PTPRD: variants seen among roughly 807,000 people sequenced by gnomAD.
The protein encoded by PTPRD is receptor-type tyrosine-protein phosphatase delta.
In PTPRD, 34 loss-of-function variants were observed where a neutral mutation model predicts 214.5. The ratio of observed to expected loss-of-function variants is 0.16; its 90% CI spans 0.12 to 0.21. PTPRD has a LOEUF of 0.21. Ranked by LOEUF, PTPRD falls within the 10% of genes least tolerant of loss-of-function variation. PTPRD has a pLI of 1.00. For missense variants in PTPRD, 2,545 were observed against 2,398.7 expected (o/e 1.06, Z -1.27); for synonymous variants, 1,128 against 845.7 (o/e 1.33, Z -5.79).
intron 3 of PTPRD, among the ~76,000 whole-genome samples, chr9:10,242,044 C>G (rs1012193287): frequency 1.3e-5 from 2 of 151,780 alleles, no homozygotes; most frequent in Non-Finnish European, 2.9e-5. Context: ...GAAACTCAGA[C>G]AAGAGGAAAA....
At chr9:9,222,100 A>G (rs960267654) in intron 9 of PTPRD, among the ~76,000 whole-genome samples, 1 of 152,114 alleles carries the variant, frequency 6.6e-6, no homozygotes, top group African/African-American at 2.4e-5. Context: ...CTGTAACAAT[A>G]TTAATATTCT....
intron 8 of PTPRD, among the ~76,000 whole-genome samples, chr9:9,427,411 T>C (rs910681275): frequency 6.6e-6 from 1 of 152,166 alleles, no homozygotes; most frequent in Non-Finnish European, 1.5e-5. Context: ...TATGGGACTA[T>C]GTGAAAAGAC....
intron 7 of PTPRD, among the ~76,000 whole-genome samples, chr9:9,638,644 A>G (rs751400662): frequency 2.4e-4 from 37 of 152,288 alleles, no homozygotes; most frequent in Admixed American, 6.5e-4. Flanking sequence ...TCCAGCCTCT[A>G]TCCATTACCT....
At chr9:10,248,533 A>C (rs10123839) in intron 3 of PTPRD, among the ~76,000 whole-genome samples, 80,745 of 127,540 alleles carry the variant, frequency 0.63, 26,679 homozygotes, top group East Asian at 0.76. Flanking sequence ...AAAATAAAAA[A>C]AATAAAGCGA....
chr9:10,096,911 T>A (rs190090074), intron 3 of PTPRD, among the ~76,000 whole-genome samples: 1 of 152,216 alleles, frequency 6.6e-6, no homozygotes, highest in East Asian at 1.9e-4. Context: ...TGAATTAATT[T>A]TTTTAAGATG....
At chr9:9,052,716 A>G (rs2099688629) in intron 10 of PTPRD, among the ~76,000 whole-genome samples, 1 of 152,246 alleles carries the variant, frequency 6.6e-6, no homozygotes, top group South Asian at 2.1e-4. Flanking sequence ...TATACTGTCC[A>G]CATAAGTACA....
chr9:9,962,999 A>G (rs1291116761), intron 4 of PTPRD, among the ~76,000 whole-genome samples: 1 of 152,014 alleles, frequency 6.6e-6, no homozygotes, highest in African/African-American at 2.4e-5. Context: ...AGTACTTTAT[A>G]TAGTTACACT....
intron 2 of PTPRD, among the ~76,000 whole-genome samples, chr9:10,544,512 T>C (rs866801187): frequency 6.6e-6 from 1 of 152,142 alleles, no homozygotes; most frequent in Non-Finnish European, 1.5e-5. Flanking sequence ...CTCTCAATAA[T>C]GGGATAAAGC....
intron 5 of PTPRD, among the ~76,000 whole-genome samples, chr9:9,833,387 T>C (rs1266493380): frequency 1.3e-5 from 2 of 151,710 alleles, no homozygotes; most frequent in Non-Finnish European, 2.9e-5. Flanking sequence ...TACGAATAGG[T>C]GTGGGTGACA....
intron 2 of PTPRD, among the ~76,000 whole-genome samples, chr9:10,463,761 T>C (rs887204097): frequency 1.3e-5 from 2 of 151,772 alleles, no homozygotes; most frequent in African/African-American, 4.8e-5. Flanking sequence ...AAAAAAGAGG[T>C]GTGATCCAAG....
Position 10,185,895 on chromosome 9 carries a change from T to C in PTPRD, c.-544-152105A>G, listed in dbSNP as rs2099328290. 7.2e-5 allele frequency among the ~76,000 whole-genome samples: 11 copies of C among 152,192 alleles called. No individual in the cohort carries two copies. The South Asian group carries it at 2.3e-3, about 32-fold the overall frequency. The stretch of plus-strand genomic sequence containing the variant: ...GTCTATTTCTTGTGGAGAGGGCAAG[T>C]GTTTAATAAAAAGCCTTCAGCATAA... On this transcript the variant is annotated intron_variant, in intron 3 of 45. Transcript: ENST00000381196.
At chr9:9,434,680 C>A (rs1489651042) in intron 8 of PTPRD, among the ~76,000 whole-genome samples, 2 of 151,674 alleles carry the variant, frequency 1.3e-5, no homozygotes, top group South Asian at 4.2e-4. Context: ...ATAGACAGAC[C>A]AATAGAACAC....
intron 10 of PTPRD, among the ~76,000 whole-genome samples, chr9:9,177,132 C>T (rs2099925381): frequency 6.6e-6 from 1 of 152,098 alleles, no homozygotes; most frequent in Admixed American, 6.6e-5. Context: ...AACTTACAAT[C>T]ATGGTGGAAG....
At chr9:9,564,067 G>A (rs906045619) in intron 8 of PTPRD, among the ~76,000 whole-genome samples, 66 of 152,078 alleles carry the variant, frequency 4.3e-4, no homozygotes, top group African/African-American at 1.6e-3. Flanking sequence ...AGCTACCAGT[G>A]CTTGTGGATC....
At chr9:8,429,108 T>C (rs1190871577) in intron 35 of PTPRD, among the ~76,000 whole-genome samples, 1 of 152,212 alleles carries the variant, frequency 6.6e-6, no homozygotes, top group Non-Finnish European at 1.5e-5. Flanking sequence ...CAATGGAAAT[T>C]GGTAACTATG....
rs117419143 is a variant in PTPRD, at chr9:9,959,302, A to T, written c.-471-20692T>A. Among the ~76,000 whole-genome samples, 347 of 152,302 alleles carry T rather than the reference A, an allele frequency of 2.3e-3. 2 individuals carry two copies. The highest frequency in any genetic ancestry group is 3.9e-3 in the Admixed American group (60 of 15,300). On this transcript the variant is annotated intron_variant, in intron 4 of 45. Coordinates refer to ENST00000381196, the MANE Select transcript of PTPRD (RefSeq NM_002839.4). Reference sequence around the variant, plus strand: ...TTCTAGAAAAGGCAAAACTTGTAGAAATAGTAAAATGATCAGTTGTTTCCA... The same window carrying T: ...TTCTAGAAAAGGCAAAACTTGTAGATATAGTAAAATGATCAGTTGTTTCCA...
chr9:8,551,298 A>G (rs777412495), intron 14 of PTPRD, among the ~76,000 whole-genome samples: 63 of 152,244 alleles, frequency 4.1e-4, no homozygotes, highest in Non-Finnish European at 6.6e-4. Flanking sequence ...TCTGCTTTAT[A>G]TAATTGTTCT....
At chr9:9,108,915 T>A (rs1048194463) in intron 10 of PTPRD, among the ~76,000 whole-genome samples, 1 of 152,284 alleles carries the variant, frequency 6.6e-6, no homozygotes, top group Admixed American at 6.5e-5. Flanking sequence ...ATCCTTTTAA[T>A]TAACTGGCAT....
chr9:9,296,921 C>T (rs2134429121), intron 9 of PTPRD, among the ~76,000 whole-genome samples: 1 of 151,854 alleles, frequency 6.6e-6, no homozygotes, highest in Admixed American at 6.6e-5. Context: ...CATGAGACAG[C>T]TCCATCTAAA....
Sources: gnomAD v4.1 joint callset for allele counts (sites outside exome capture counted in the v4.1 genomes callset) on GRCh38, gnomAD v4.1.1 for gene constraint, MANE v1.5 for transcripts, NCBI Gene and HGNC (gene_info 2026-07-23, HGNC 2026-07-21) for gene names.